Variants in ZCWPW2 observed in about 807,000 individuals in gnomAD.
ZCWPW2 encodes zinc finger CW-type PWWP domain protein 2.
A neutral mutation model predicts 46.6 loss-of-function variants in ZCWPW2; 45 were observed. The ratio of observed to expected loss-of-function variants is 0.96; its 90% CI spans 0.76 to 1.24. ZCWPW2 has a LOEUF of 1.24. Ranked by LOEUF, ZCWPW2 falls within the 50% of genes most tolerant of loss-of-function variation. The pLI, the probability that ZCWPW2 is intolerant of heterozygous loss-of-function variation, is 0.00. For synonymous variants in ZCWPW2, 152 were observed against 137.1 expected (o/e 1.11, Z -0.76); for missense variants, 429 against 403.9 (o/e 1.06, Z -0.53).
chr3:28,515,735 G>A, intron 8 of ZCWPW2, 114 bp downstream of exon 8: 2 of 797,938 alleles, frequency 2.5e-6, no homozygotes, highest in Non-Finnish European at 3.9e-6. Flanking sequence ...GTGTGTGTGT[G>A]TGTGTGTGTG....
intron 4 of ZCWPW2, among the ~76,000 whole-genome samples, chr3:28,453,913 C>T (rs1698328100): frequency 6.6e-6 from 1 of 150,384 alleles, no homozygotes; most frequent in Non-Finnish European, 1.5e-5. Context: ...GGCGCGATCT[C>T]GGCTCACTGC....
Position 28,349,151 on chromosome 3 carries a change from C to G in ZCWPW2, c.-186C>G. ...CTACATGTCCCGTGAGCCTCCGCGG[C>G]GGGACGGGGCGGGGCCGCGGGACGC... On this transcript the variant is annotated 5_prime_UTR_variant, in exon 1 of 10. Transcript: ENST00000383768. 1.0e-6 allele frequency: 1 copy of G among 985,466 alleles called. No individual in the cohort carries two copies. The highest frequency in any genetic ancestry group is 1.2e-6 in the Non-Finnish European group (1 of 830,080). 61.0% of individuals were successfully genotyped at this position (985,466 alleles called of 1,614,324 possible).
In ZCWPW2 at chr3:28,413,242, G is replaced by A. The variant is rs891149080; in HGVS notation, c.174G>A (p.Trp58Ter). 6.2e-7 allele frequency: 1 copy of A among 1,613,332 alleles called. No homozygotes were observed. The highest frequency in any genetic ancestry group is 1.1e-5 in the South Asian group (1 of 91,058). ...CCAAGGTTGATCATGATGAACCATG[G>A]TACTGCTTCATGAACACTGATTCAA... ...DSAKVDHDEP[W>*]YCFMNTDSRY... Residue 58 changes from tryptophan (W) to a stop codon, truncating the protein, a stop_gained, in exon 3 of 10, where the codon TGG becomes TGA. Coordinates refer to ENST00000383768, the MANE Select transcript of ZCWPW2 (RefSeq NM_001040432.4). LOFTEE classifies it high-confidence loss of function.
In ZCWPW2 at chr3:28,520,974, T is replaced by C; in HGVS notation, c.785-18T>C. ...AGTGAGATGTAGCATTTTTACTGTA[T>C]TAATCCTGTTTTTTTAGTTGTCTGT... On this transcript the variant is annotated intron_variant, in intron 8 of 9. Transcript: ENST00000383768. 1 of 1,612,938 alleles carries C rather than the reference T, an allele frequency of 6.2e-7. No individual in the cohort carries two copies. The highest frequency in any genetic ancestry group is 8.5e-7 in the Non-Finnish European group (1 of 1,179,448).
At chr3:28,505,880 C>T (rs893226465) in intron 6 of ZCWPW2, among the ~76,000 whole-genome samples, 59 of 151,910 alleles carry the variant, frequency 3.9e-4, no homozygotes, top group African/African-American at 1.3e-3. Context: ...CTAACAGACT[C>T]ATTCTTTTTG....
intron 1 of ZCWPW2, among the ~76,000 whole-genome samples, chr3:28,377,375 T>C (rs565345683): frequency 4.8e-4 from 73 of 152,078 alleles, no homozygotes; most frequent in Admixed American, 9.2e-4. Flanking sequence ...TATTACTCTT[T>C]GTTAGGATTA....
At chr3:28,492,441 A>G (rs187005935) in intron 6 of ZCWPW2, among the ~76,000 whole-genome samples, 241 of 152,188 alleles carry the variant, frequency 1.6e-3, no homozygotes, top group African/African-American at 5.7e-3. Flanking sequence ...TACTTAAATT[A>G]TATTTCATAT....
chr3:28,433,610 G>A (rs940793431), intron 3 of ZCWPW2, among the ~76,000 whole-genome samples: 19 of 151,890 alleles, frequency 1.3e-4, no homozygotes, highest in African/African-American at 4.4e-4. Flanking sequence ...CTACTAATTA[G>A]CCAGGCATGG....
chr3:28,509,901 T>C (rs1454754817), intron 6 of ZCWPW2, among the ~76,000 whole-genome samples: 1 of 152,188 alleles, frequency 6.6e-6, no homozygotes, highest in East Asian at 1.9e-4. Flanking sequence ...AATCCAAGAT[T>C]ATAAAGATTT....
intron 1 of ZCWPW2, among the ~76,000 whole-genome samples, chr3:28,356,295 C>T (rs565285550): frequency 6.6e-6 from 1 of 152,120 alleles, no homozygotes; most frequent in African/African-American, 2.4e-5. Context: ...ATCACAACCA[C>T]AATGAGACAC....
At chr3:28,438,100 A>T (rs1697572109) in intron 4 of ZCWPW2, among the ~76,000 whole-genome samples, 1 of 152,228 alleles carries the variant, frequency 6.6e-6, no homozygotes, top group Admixed American at 6.5e-5. Flanking sequence ...CATCTTGCAC[A>T]TAGCTTACAG....
chr3:28,445,914 A>G (rs2125774364), intron 4 of ZCWPW2, among the ~76,000 whole-genome samples: 1 of 152,310 alleles, frequency 6.6e-6, no homozygotes, highest in East Asian at 1.9e-4. Flanking sequence ...AAATAAACAT[A>G]AATGTTACAA....
At chr3:28,363,560 T>A (rs933462621) in intron 1 of ZCWPW2, among the ~76,000 whole-genome samples, 1 of 152,116 alleles carries the variant, frequency 6.6e-6, no homozygotes, top group Admixed American at 6.6e-5. Context: ...TTTGTAGAGA[T>A]AGTAAACGAC....
intron 4 of ZCWPW2, among the ~76,000 whole-genome samples, chr3:28,461,366 CA>C (rs1698628761): frequency 6.6e-6 from 1 of 151,994 alleles, no homozygotes; most frequent in Non-Finnish European, 1.5e-5. Flanking sequence ...ATTAGACACA[CA>C]TTTTTTTCAA....
chr3:28,431,547 C>T (rs983049446), intron 3 of ZCWPW2, among the ~76,000 whole-genome samples: 17 of 152,110 alleles, frequency 1.1e-4, no homozygotes, highest in African/African-American at 4.1e-4. Context: ...CTAATGAACT[C>T]ATTTTAACGT....
intron 1 of ZCWPW2, among the ~76,000 whole-genome samples, chr3:28,384,256 T>C (rs930887729): frequency 2.6e-5 from 4 of 152,248 alleles, no homozygotes; most frequent in East Asian, 1.9e-4. Flanking sequence ...ATTTATACAC[T>C]TTGTATTAAT....
At chr3:28,433,633 G>T (rs1474273130) in intron 3 of ZCWPW2, among the ~76,000 whole-genome samples, 1 of 151,934 alleles carries the variant, frequency 6.6e-6, no homozygotes, top group Admixed American at 6.6e-5. Context: ...GCAGGCGCCT[G>T]TAATCCCAGT....
At chr3:28,447,561 T>G (rs1377919044) in intron 4 of ZCWPW2, among the ~76,000 whole-genome samples, 3 of 152,086 alleles carry the variant, frequency 2.0e-5, no homozygotes, top group Non-Finnish European at 4.4e-5. Context: ...TATTCAAAGA[T>G]GAAGGATTAA....
At chr3:28,377,548 A>G (rs912017029) in intron 1 of ZCWPW2, among the ~76,000 whole-genome samples, 2 of 152,076 alleles carry the variant, frequency 1.3e-5, no homozygotes, top group African/African-American at 2.4e-5. Context: ...ACATTAGGGC[A>G]ACAAAATTTT....
Sources: allele counts gnomAD v4.1 joint callset (sites outside exome capture counted in the v4.1 genomes callset), GRCh38; gene constraint gnomAD v4.1.1; transcripts MANE v1.5; gene names NCBI Gene and HGNC (gene_info 2026-07-23, HGNC 2026-07-21).